SOX30: variants seen among roughly 807,000 people sequenced by gnomAD.
SOX30 encodes transcription factor SOX-30.
In SOX30, 17 loss-of-function variants were observed where a neutral mutation model predicts 58.6. The ratio of observed to expected loss-of-function variants is 0.29; its 90% CI spans 0.20 to 0.44. The LOEUF (loss-of-function observed/expected upper bound fraction) is 0.44, where lower values mean the gene tolerates loss of function less well. Among genes scored for constraint, SOX30 ranks in the 20% least tolerant of loss-of-function variants. SOX30 has a pLI of 1.00. For missense variants in SOX30, 951 were observed against 965.8 expected (o/e 0.98, Z 0.20); for synonymous variants, 421 against 400.2 (o/e 1.05, Z -0.62).
chr5:157,661,173 T>C (rs960972452), intron 2 of SOX30, among the ~76,000 whole-genome samples: 2 of 152,226 alleles, frequency 1.3e-5, no homozygotes, highest in African/African-American at 4.8e-5. Context: ...CAAGGTTAAA[T>C]AGAAGTGGTG....
intron 3 of SOX30, among the ~76,000 whole-genome samples, chr5:157,644,630 G>C (rs1477671201): frequency 6.6e-6 from 1 of 152,194 alleles, no homozygotes; most frequent in Non-Finnish European, 1.5e-5. Flanking sequence ...GCAGATGTAA[G>C]TGAGGTCTTG....
upstream of SOX30, among the ~76,000 whole-genome samples, chr5:157,654,363 A>C (rs938973306): frequency 1.3e-5 from 2 of 152,222 alleles, no homozygotes; most frequent in African/African-American, 2.4e-5. Context: ...TGCTCACAAG[A>C]GAATGAAGTG....
intron 4 of SOX30, among the ~76,000 whole-genome samples, chr5:157,636,348 T>C (rs1220237009): frequency 1.3e-5 from 2 of 152,216 alleles, no homozygotes; most frequent in African/African-American, 2.4e-5. Context: ...TTAAATTCAA[T>C]CTACACCCTT....
At chr5:157,669,350 C>T (rs1759729466) in intron 1 of SOX30, among the ~76,000 whole-genome samples, 1 of 152,026 alleles carries the variant, frequency 6.6e-6, no homozygotes, top group Non-Finnish European at 1.5e-5. Context: ...GGCACCACCA[C>T]ACTCGGCTAA....
rs527370444 is a variant in SOX30 at position 157,651,482 on chromosome 5, C to T, written c.597G>A (p.Gly199=). The T allele has an allele frequency of 5.6e-6, 9 of 1,613,482 alleles. No homozygotes were observed. The highest frequency in any genetic ancestry group is 3.3e-5 in the South Asian group (3 of 91,086). Residue 199 remains glycine (G), a synonymous_variant, in exon 1 of 5, where the codon GGG becomes GGA. Transcript: ENST00000265007. ...GGATGGCTGCCGGGCTTTTGCCTGC[C>T]CCGCCTTGCATCGAGTCTCTCATGA... ...EEVMRDSMQG[G]AGKSPAAIRE...
intron 2 of SOX30, among the ~76,000 whole-genome samples, chr5:157,663,661 T>C (rs1021164294): frequency 3.9e-5 from 6 of 152,184 alleles, no homozygotes; most frequent in African/African-American, 1.4e-4. Flanking sequence ...GGAAGTCAAA[T>C]TGTCCCTGTT....
chr5:157,654,095 G>A (rs1456788174), upstream of SOX30, among the ~76,000 whole-genome samples: 2 of 151,838 alleles, frequency 1.3e-5, no homozygotes, highest in East Asian at 3.9e-4. Context: ...GAACCTGGGA[G>A]GCAGAGGTTG....
At chr5:157,633,218 T>A (rs187211371) in intron 4 of SOX30, among the ~76,000 whole-genome samples, 1 of 152,118 alleles carries the variant, frequency 6.6e-6, no homozygotes, top group African/African-American at 2.4e-5. Context: ...AGTTTAGGGT[T>A]TTTTCTGTTT....
rs70984476 is a variant in SOX30 at position 157,628,365 on chromosome 5, TCACACACACACA to T, written c.1881-1656_1881-1645del. Among the ~76,000 whole-genome samples the T allele has an allele frequency of 2.8e-4, 39 of 139,702 alleles. No homozygotes were observed. The East Asian group carries it at 3.5e-3, about 12-fold the overall frequency. 91.6% of individuals were successfully genotyped at this position (139,702 alleles called of 152,430 possible). ...AAGTTAAGTGTTTCATTTCTGGCCT[TCACACACACACA>T]CACACACACACACACACACACACAC... is the stretch of plus-strand genomic sequence containing the variant. On this transcript the variant is annotated intron_variant, in intron 4 of 4. Transcript: ENST00000265007.
chr5:157,652,178 C>G lies in SOX30; in HGVS notation c.-100G>C. On this transcript the variant is annotated 5_prime_UTR_variant, in exon 1 of 5. Transcript: ENST00000265007. ...TAAGAGCCTTGCAAGGCCTTTGCTACCCAGAACCCTACGCGGTTCAAAACG... is the reference window on the plus strand; with the variant it reads ...TAAGAGCCTTGCAAGGCCTTTGCTAGCCAGAACCCTACGCGGTTCAAAACG... 37 of 1,363,396 alleles carry G rather than the reference C, an allele frequency of 2.7e-5. No individual in the cohort carries two copies. Among genetic ancestry groups the G allele is most frequent in the Non-Finnish European group, 3.5e-5 (37 of 1,066,862 alleles). The allele number at this position is 1,363,396 out of a possible 1,614,324, so 84.5% of individuals were successfully genotyped here.
At chr5:157,662,915 G>C (rs1229286134) in intron 2 of SOX30, among the ~76,000 whole-genome samples, 2 of 152,144 alleles carry the variant, frequency 1.3e-5, no homozygotes, top group Non-Finnish European at 2.9e-5. Context: ...TTAGGAAGAA[G>C]TTGAATCCCT....
chr5:157,662,722 C>A (rs1280345859), intron 2 of SOX30, among the ~76,000 whole-genome samples: 3 of 152,196 alleles, frequency 2.0e-5, no homozygotes, highest in African/African-American at 7.2e-5. Context: ...CCTCATTACA[C>A]TCCTCCAGCA....
chr5:157,640,432 A>G (rs189076745), intron 3 of SOX30, among the ~76,000 whole-genome samples: 1 of 152,330 alleles, frequency 6.6e-6, no homozygotes, highest in Admixed American at 6.5e-5. Context: ...CTACCATGCT[A>G]TAAGCGAGAC....
intron 3 of SOX30, among the ~76,000 whole-genome samples, chr5:157,643,699 T>C (rs978520184): frequency 8.5e-5 from 13 of 152,254 alleles, no homozygotes; most frequent in African/African-American, 2.9e-4. Flanking sequence ...AAAAATCATA[T>C]ACCTCACTAT....
chr5:157,664,088 G>T, intron 2 of SOX30, among the ~76,000 whole-genome samples: 1 of 85,044 alleles, frequency 1.2e-5, no homozygotes, highest in Middle Eastern at 7.2e-3. Context: ...CACAGAATTG[G>T]AAAAAACTAA....
intron 2 of SOX30, 47 bp downstream of exon 2, chr5:157,648,610 A>C (rs377756648): frequency 1.1e-5 from 17 of 1,570,322 alleles, no homozygotes; most frequent in Admixed American, 1.8e-5. Flanking sequence ...TCTTTAACTA[A>C]ATAAATTCAT....
chr5:157,662,115 C>A (rs998057984), intron 2 of SOX30, among the ~76,000 whole-genome samples: 1 of 152,146 alleles, frequency 6.6e-6, no homozygotes, highest in Non-Finnish European at 1.5e-5. Context: ...CCCATTTCAT[C>A]TAAGTTGACA....
Position 157,638,297 on chromosome 5 carries a change from C to T in SOX30, c.1813G>A (p.Gly605Arg), listed in dbSNP as rs746507800. Reference protein sequence around the residue: ...PPLGHPATLFGTPPRFSFHHP... With the variant: ...PPLGHPATLFRTPPRFSFHHP... ...TGAAAAGAGAATCTTGGTGGTGTCC[C>T]GAACAGTGTGGCTGGATGGCCAAGG... The change falls in exon 4 of 5, where the codon GGG becomes AGG. Residue 605 changes from glycine (G) to arginine (R), a missense_variant. Transcript: ENST00000265007. 2.0e-5 allele frequency: 32 copies of T among 1,601,354 alleles called. No individual in the cohort carries two copies. Among genetic ancestry groups the T allele is most frequent in the South Asian group, 3.4e-5 (3 of 88,986 alleles).
At chr5:157,658,661 A>G (rs765057937) in intron 2 of SOX30, among the ~76,000 whole-genome samples, 1 of 152,224 alleles carries the variant, frequency 6.6e-6, no homozygotes, top group Non-Finnish European at 1.5e-5. Flanking sequence ...CCTATTCAGC[A>G]TGAAGAAGTT....
Sources: allele counts gnomAD v4.1 joint callset (sites outside exome capture counted in the v4.1 genomes callset), GRCh38; gene constraint gnomAD v4.1.1; transcripts MANE v1.5; gene names NCBI Gene and HGNC (gene_info 2026-07-23, HGNC 2026-07-21).